Variants in KCNQ5 observed in about 807,000 individuals in gnomAD.
KCNQ5 encodes the protein potassium voltage-gated channel subfamily Q member 5, also known as potassium voltage-gated channel subfamily KQT member 5.
In KCNQ5, 30 loss-of-function variants were observed where a neutral mutation model predicts 98.2. The ratio of observed to expected loss-of-function variants is 0.31; its 90% CI spans 0.23 to 0.41. The LOEUF is 0.41. Among genes scored for constraint, KCNQ5 ranks in the 10% least tolerant of loss-of-function variants. The pLI is 1.00. For missense variants in KCNQ5, 835 were observed against 1,182.5 expected (o/e 0.71, Z 4.31); for synonymous variants, 458 against 449.4 (o/e 1.02, Z -0.24).
chr6:72,966,724 A>C (rs1767637398), intron 1 of KCNQ5, among the ~76,000 whole-genome samples: 1 of 152,252 alleles, frequency 6.6e-6, no homozygotes, highest in Non-Finnish European at 1.5e-5. Flanking sequence ...CCATGACTGG[A>C]TCATGAGCAG....
intron 1 of KCNQ5, among the ~76,000 whole-genome samples, chr6:72,696,166 A>T (rs1768486106): frequency 6.6e-6 from 1 of 152,192 alleles, no homozygotes; most frequent in South Asian, 2.1e-4. Context: ...AAGATATCTA[A>T]AAGGTTGTTC....
At chr6:73,007,527 G>T (rs1769868828) in intron 2 of KCNQ5, among the ~76,000 whole-genome samples, 1 of 152,168 alleles carries the variant, frequency 6.6e-6, no homozygotes, top group Non-Finnish European at 1.5e-5. Context: ...TGGAACTCTG[G>T]AATCTATTGA....
chr6:72,761,816 A>T (rs987768096), intron 1 of KCNQ5, among the ~76,000 whole-genome samples: 20 of 152,070 alleles, frequency 1.3e-4, no homozygotes, highest in African/African-American at 4.8e-4. Context: ...CACCAAACAC[A>T]TCATGGAGTC....
intron 7 of KCNQ5, among the ~76,000 whole-genome samples, chr6:73,113,974 T>C (rs1775374953): frequency 6.6e-6 from 1 of 152,258 alleles, no homozygotes; most frequent in Non-Finnish European, 1.5e-5. Context: ...CAAAATGGAA[T>C]GCTTGAAGCA....
intron 1 of KCNQ5, among the ~76,000 whole-genome samples, chr6:72,650,435 C>T (rs1021646481): frequency 2.2e-4 from 33 of 152,048 alleles, no homozygotes; most frequent in African/African-American, 8.0e-4. Context: ...AATAGGTGCA[C>T]ATTTATATAG....
chr6:72,965,047 A>T (rs1469428541), intron 1 of KCNQ5, among the ~76,000 whole-genome samples: 3 of 152,134 alleles, frequency 2.0e-5, no homozygotes, highest in Non-Finnish European at 4.4e-5. Flanking sequence ...TCCTGGTCTC[A>T]AGTGATCCTC....
chr6:73,170,770 C>CTA (rs1777985388), intron 11 of KCNQ5, among the ~76,000 whole-genome samples: 1 of 151,730 alleles, frequency 6.6e-6, no homozygotes. Flanking sequence ...CCTGTCTCTA[C>CTA]TAAAAATACA....
At chr6:72,743,218 T>C (rs1000110673) in intron 1 of KCNQ5, among the ~76,000 whole-genome samples, 4 of 152,184 alleles carry the variant, frequency 2.6e-5, no homozygotes, top group African/African-American at 9.6e-5. Flanking sequence ...GAAGTAGAAG[T>C]TTTAACTATA....
intron 1 of KCNQ5, among the ~76,000 whole-genome samples, chr6:72,953,257 A>AT (rs1353337288): frequency 1.3e-5 from 2 of 152,148 alleles, no homozygotes; most frequent in African/African-American, 4.8e-5. Flanking sequence ...ATTAATTAAC[A>AT]TTTTTTCAGG....
Position 73,055,880 on chromosome 6 carries a change from C to G in KCNQ5, c.616+13818C>G, listed in dbSNP as rs1023098545. ...TGAAGGCCAGCAAACAGGCACCCTCCCTGCCCATTGCATCCATCTGTCCCT... is the reference window on the plus strand; with the variant it reads ...TGAAGGCCAGCAAACAGGCACCCTCGCTGCCCATTGCATCCATCTGTCCCT... On this transcript the variant is annotated intron_variant, in intron 3 of 13. Transcript: ENST00000370398. 3 of 610,468 alleles carry G rather than the reference C, an allele frequency of 4.9e-6. No homozygotes were observed. In the African/African-American group the frequency reaches 5.4e-5, roughly 11 times the overall value. The allele number at this position is 610,468 out of a possible 1,614,324, so 37.8% of individuals were successfully genotyped here.
chr6:72,681,172 C>T (rs909214614), intron 1 of KCNQ5, among the ~76,000 whole-genome samples: 1 of 152,198 alleles, frequency 6.6e-6, no homozygotes, highest in Non-Finnish European at 1.5e-5. Context: ...TTGGAAGTTA[C>T]AACATTGAGG....
At chr6:73,131,759 T>C (rs1175419554) in intron 9 of KCNQ5, among the ~76,000 whole-genome samples, 1 of 152,218 alleles carries the variant, frequency 6.6e-6, no homozygotes, top group Non-Finnish European at 1.5e-5. Flanking sequence ...TAATGTAATC[T>C]ATCATTTAAT....
At chr6:73,096,195 C>T (rs1774487392) in intron 5 of KCNQ5, among the ~76,000 whole-genome samples, 1 of 152,088 alleles carries the variant, frequency 6.6e-6, no homozygotes, top group Non-Finnish European at 1.5e-5. Flanking sequence ...GGCTGGGAGA[C>T]TAAGCCAGTC....
chr6:73,128,078 T>TA (rs1360516882), intron 9 of KCNQ5, among the ~76,000 whole-genome samples: 6 of 151,068 alleles, frequency 4.0e-5, no homozygotes, highest in South Asian at 4.2e-4. Context: ...AAATAAAAAA[T>TA]AAAATAAAAT....
chr6:72,877,420 T>A (rs982570698), intron 1 of KCNQ5, among the ~76,000 whole-genome samples: 1 of 152,204 alleles, frequency 6.6e-6, no homozygotes, highest in Admixed American at 6.5e-5. Flanking sequence ...CTGCATAGTA[T>A]CTCATGGTGT....
chr6:72,662,259 T>G (rs868289226), intron 1 of KCNQ5, among the ~76,000 whole-genome samples: 1 of 152,176 alleles, frequency 6.6e-6, no homozygotes, highest in South Asian at 2.1e-4. Context: ...ATCCTTAATA[T>G]TTTTAATGAT....
intron 1 of KCNQ5, among the ~76,000 whole-genome samples, chr6:72,847,062 C>A (rs1777052449): frequency 6.6e-6 from 1 of 151,880 alleles, no homozygotes; most frequent in African/African-American, 2.4e-5. Flanking sequence ...GTTACTGATG[C>A]TTTTTTTATC....
intron 1 of KCNQ5, among the ~76,000 whole-genome samples, chr6:72,905,948 C>T (rs941116339): frequency 6.6e-6 from 1 of 152,108 alleles, no homozygotes; most frequent in East Asian, 1.9e-4. Flanking sequence ...GTGGACAGGG[C>T]CGTAGAACTC....
chr6:73,068,487 A>G (rs1234734745), intron 3 of KCNQ5, among the ~76,000 whole-genome samples: 1 of 152,220 alleles, frequency 6.6e-6, no homozygotes, highest in East Asian at 1.9e-4. Flanking sequence ...ATTAGCTCAA[A>G]TGTATGTTAG....
Sources: gnomAD v4.1 joint callset for allele counts (sites outside exome capture counted in the v4.1 genomes callset) on GRCh38, gnomAD v4.1.1 for gene constraint, MANE v1.5 for transcripts, NCBI Gene and HGNC (gene_info 2026-07-23, HGNC 2026-07-21) for gene names.